CNTNAP2: variants seen among roughly 807,000 people sequenced by gnomAD.
The protein encoded by CNTNAP2 is contactin-associated protein-like 2.
CNTNAP2 carries 98 observed loss-of-function variants against 155.2 expected under a neutral mutation model. The observed-to-expected ratio is 0.63, with a 90% CI of 0.54 to 0.75. The LOEUF is 0.75. Among genes scored for constraint, CNTNAP2 ranks in the 30% least tolerant of loss-of-function variants. The probability of loss-of-function intolerance (pLI) is 0.00; values close to 1 mark genes in which losing one functional copy is unlikely to be tolerated. For synonymous variants in CNTNAP2, 651 were observed against 631.2 expected, an observed-to-expected ratio of 1.03 and a Z score of -0.47; for missense variants, 1,727 against 1,688.1, an observed-to-expected ratio of 1.02 and a Z score of -0.40.
intron 3 of CNTNAP2, among the ~76,000 whole-genome samples, chr7:146,996,281 C>T (rs528370280): frequency 4.4e-4 from 67 of 151,896 alleles, no homozygotes; most frequent in African/African-American, 1.1e-3. Context: ...TGATAGGGAT[C>T]GAATTGCATT....
At chr7:148,041,473 C>T (rs1003524509) in intron 15 of CNTNAP2, among the ~76,000 whole-genome samples, 6 of 152,350 alleles carry the variant, frequency 3.9e-5, no homozygotes, top group East Asian at 3.9e-4. Flanking sequence ...GCAAGTAGAA[C>T]GGAGAACCGT....
intron 21 of CNTNAP2, among the ~76,000 whole-genome samples, chr7:148,295,944 A>G (rs1357433325): frequency 6.6e-6 from 1 of 152,208 alleles, no homozygotes; most frequent in Non-Finnish European, 1.5e-5. Context: ...CTAAATGTTT[A>G]GATTCAGGAA....
chr7:147,998,459 C>T (rs1298876915), intron 15 of CNTNAP2, among the ~76,000 whole-genome samples: 3 of 152,136 alleles, frequency 2.0e-5, no homozygotes, highest in Non-Finnish European at 4.4e-5. Context: ...TAGCAGGCTG[C>T]AGATACAGAG....
intron 10 of CNTNAP2, among the ~76,000 whole-genome samples, chr7:147,413,998 C>A (rs746818467): frequency 3.9e-5 from 6 of 152,316 alleles, no homozygotes; most frequent in Non-Finnish European, 7.4e-5. Flanking sequence ...CTGTAGGAAC[C>A]AACTGAAGTT....
intron 1 of CNTNAP2, among the ~76,000 whole-genome samples, chr7:146,759,866 G>GA (rs1276070046): frequency 6.6e-6 from 1 of 152,040 alleles, no homozygotes; most frequent in Non-Finnish European, 1.5e-5. Context: ...ATATTTGCTG[G>GA]AAAAATCTTA....
intron 5 of CNTNAP2, among the ~76,000 whole-genome samples, chr7:147,114,820 G>C (rs1170797376): frequency 6.6e-6 from 1 of 152,130 alleles, no homozygotes; most frequent in African/African-American, 2.4e-5. Flanking sequence ...TTTAAGGTTA[G>C]TATTGTTATG....
chr7:148,284,548 G>T (rs1199642453), intron 21 of CNTNAP2, among the ~76,000 whole-genome samples: 2 of 149,866 alleles, frequency 1.3e-5, no homozygotes, highest in African/African-American at 4.9e-5. Flanking sequence ...AGTGGTTACT[G>T]CTCAGCACAC....
At chr7:147,900,973 A>G (rs755202542) in intron 13 of CNTNAP2, among the ~76,000 whole-genome samples, 3 of 152,082 alleles carry the variant, frequency 2.0e-5, no homozygotes, top group Non-Finnish European at 2.9e-5. Context: ...CTTTTCTTCA[A>G]CATTCCCTAG....
chr7:146,874,575 G>T (rs1008289085), intron 3 of CNTNAP2, among the ~76,000 whole-genome samples: 2 of 152,076 alleles, frequency 1.3e-5, no homozygotes, highest in Admixed American at 1.3e-4. Context: ...CTGACCTCAG[G>T]TGATCCGCCC....
intron 13 of CNTNAP2, among the ~76,000 whole-genome samples, chr7:147,862,549 TC>T (rs1799154371): frequency 6.6e-6 from 1 of 152,160 alleles, no homozygotes; most frequent in African/African-American, 2.4e-5. Context: ...GGGTTGAGGT[TC>T]TTCAGCTTAA....
chr7:146,324,706 G>C (rs1437131034), intron 1 of CNTNAP2, among the ~76,000 whole-genome samples: 1 of 151,810 alleles, frequency 6.6e-6, no homozygotes, highest in Admixed American at 6.6e-5. Flanking sequence ...CTTTGAAAAT[G>C]TTTCTTCCTT....
At chr7:146,441,952 C>T (rs1206026851) in intron 1 of CNTNAP2, among the ~76,000 whole-genome samples, 1 of 151,640 alleles carries the variant, frequency 6.6e-6, no homozygotes, top group African/African-American at 2.4e-5. Context: ...ACATCATTCT[C>T]TTTCAAAACA....
intron 9 of CNTNAP2, among the ~76,000 whole-genome samples, chr7:147,333,925 G>A (rs914085334): frequency 6.6e-6 from 1 of 152,144 alleles, no homozygotes; most frequent in Non-Finnish European, 1.5e-5. Flanking sequence ...GGCTAAGATG[G>A]AAGAGGTAAA....
At chr7:147,471,824 G>C (rs2116610059) in intron 10 of CNTNAP2, among the ~76,000 whole-genome samples, 1 of 152,256 alleles carries the variant, frequency 6.6e-6, no homozygotes, top group East Asian at 1.9e-4. Flanking sequence ...GAGAGGTATA[G>C]AACTAAAAAG....
At chr7:147,826,701 G>T (rs779702704) in intron 13 of CNTNAP2, among the ~76,000 whole-genome samples, 3 of 152,112 alleles carry the variant, frequency 2.0e-5, no homozygotes, top group Non-Finnish European at 2.9e-5. Flanking sequence ...TATTTCAACA[G>T]ATAGAGAACG....
chr7:146,224,808 T>G (rs1799266527), intron 1 of CNTNAP2, among the ~76,000 whole-genome samples: 1 of 152,072 alleles, frequency 6.6e-6, no homozygotes, highest in African/African-American at 2.4e-5. Flanking sequence ...AAACGAAGAT[T>G]TGGATAATTC....
intron 11 of CNTNAP2, among the ~76,000 whole-genome samples, chr7:147,494,275 A>C (rs1798656650): frequency 6.6e-6 from 1 of 152,188 alleles, no homozygotes; most frequent in Non-Finnish European, 1.5e-5. Context: ...ACACTGGATT[A>C]AAATAGTACA....
chr7:146,630,704 A>G (rs984407917), intron 1 of CNTNAP2, among the ~76,000 whole-genome samples: 1 of 152,072 alleles, frequency 6.6e-6, no homozygotes, highest in African/African-American at 2.4e-5. Context: ...TCACTGTGGT[A>G]TTAATTTTCA....
chr7:146,601,470 G>A (rs1798948412), intron 1 of CNTNAP2, among the ~76,000 whole-genome samples: 1 of 152,006 alleles, frequency 6.6e-6, no homozygotes, highest in South Asian at 2.1e-4. Context: ...ATGTAATTAT[G>A]TTTACTTGTA....
Sources: gnomAD v4.1 joint callset for allele counts (sites outside exome capture counted in the v4.1 genomes callset) on GRCh38, gnomAD v4.1.1 for gene constraint, MANE v1.5 for transcripts, NCBI Gene and HGNC (gene_info 2026-07-23, HGNC 2026-07-21) for gene names.